Variants in WWOX observed in about 807,000 individuals in gnomAD.
WWOX encodes the protein WW domain containing oxidoreductase.
Under a neutral mutation model 46.2 loss-of-function variants are expected in WWOX, and 69 were observed. The ratio of observed to expected loss-of-function variants is 1.49; its 90% CI spans 1.23 to 1.82. The LOEUF is 1.82. WWOX is among the 40% of genes most tolerant of loss of function. The pLI is 0.00. For synonymous variants in WWOX, 359 were observed against 202.6 expected (o/e 1.77, Z -6.56); for missense variants, 919 against 542.6 (o/e 1.69, Z -6.89).
At chr16:79,018,515 A>G (rs2047463013) in intron 8 of WWOX, among the ~76,000 whole-genome samples, 1 of 152,204 alleles carries the variant, frequency 6.6e-6, no homozygotes, top group African/African-American at 2.4e-5. Context: ...AAGGGATTTG[A>G]CAATGGTCTG....
rs571575035 is a variant in WWOX at position 78,842,734 on chromosome 16, C to T, written c.1057-368874C>T. On this transcript the variant is annotated intron_variant, in intron 8 of 8. Coordinates refer to ENST00000566780, the MANE Select transcript of WWOX (RefSeq NM_016373.4). Reference sequence around the variant, plus strand: ...AAAAAAATCAACTCACACCTGTAGCCGCAGCTACTCAGGAGGCTGAGGCAG... The same window carrying T: ...AAAAAAATCAACTCACACCTGTAGCTGCAGCTACTCAGGAGGCTGAGGCAG... Among the ~76,000 whole-genome samples the T allele has an allele frequency of 8.1e-4, 123 of 152,116 alleles. 1 individual carries two copies. Among genetic ancestry groups the T allele is most frequent in the African/African-American group, 2.2e-3 (90 of 41,504 alleles).
intron 8 of WWOX, among the ~76,000 whole-genome samples, chr16:78,846,466 C>T (rs1236108521): frequency 6.6e-6 from 1 of 151,874 alleles, no homozygotes; most frequent in Admixed American, 6.6e-5. Flanking sequence ...TTGAAGAGTT[C>T]CGGTCAGTTA....
chr16:79,037,307 G>C (rs1567505684), intron 8 of WWOX, among the ~76,000 whole-genome samples: 1 of 152,170 alleles, frequency 6.6e-6, no homozygotes, highest in African/African-American at 2.4e-5. Context: ...GCTGGGGCAT[G>C]GGTGAAACCA....
intron 6 of WWOX, among the ~76,000 whole-genome samples, chr16:78,411,894 G>T (rs8044154): frequency 6.6e-6 from 1 of 152,080 alleles, no homozygotes; most frequent in Non-Finnish European, 1.5e-5. Flanking sequence ...AGAGGAGAGC[G>T]GAGAGGGAAG....
chr16:79,169,904 A>T (rs1373076840), intron 8 of WWOX, among the ~76,000 whole-genome samples: 1 of 152,180 alleles, frequency 6.6e-6, no homozygotes, highest in Non-Finnish European at 1.5e-5. Context: ...TCAAGATGGA[A>T]AAAAACAACC....
At chr16:79,172,654 T>C (rs972573369) in intron 8 of WWOX, among the ~76,000 whole-genome samples, 5 of 152,212 alleles carry the variant, frequency 3.3e-5, no homozygotes, top group Middle Eastern at 3.4e-3. Flanking sequence ...AGACAAACTG[T>C]GAGGTGTTTT....
chr16:78,610,324 G>C (rs1438121697), intron 8 of WWOX, among the ~76,000 whole-genome samples: 1 of 152,014 alleles, frequency 6.6e-6, no homozygotes, highest in African/African-American at 2.4e-5. Flanking sequence ...ATCCATAGAG[G>C]GGGAAAAAAA....
intron 8 of WWOX, among the ~76,000 whole-genome samples, chr16:78,461,001 A>C (rs1032413650): frequency 1.3e-5 from 2 of 152,192 alleles, no homozygotes; most frequent in African/African-American, 4.8e-5. Flanking sequence ...ATGCTACTGC[A>C]CAAGTTTCAT....
chr16:78,696,432 T>C (rs2048100988), intron 8 of WWOX, among the ~76,000 whole-genome samples: 1 of 152,130 alleles, frequency 6.6e-6, no homozygotes, highest in South Asian at 2.1e-4. Context: ...GAGAAAACCA[T>C]ACACATCCAG....
At chr16:78,855,091 C>A (rs2052536570) in intron 8 of WWOX, among the ~76,000 whole-genome samples, 1 of 152,022 alleles carries the variant, frequency 6.6e-6, no homozygotes, top group African/African-American at 2.4e-5. Flanking sequence ...GGGACCACCC[C>A]CCAATTATTA....
intron 8 of WWOX, among the ~76,000 whole-genome samples, chr16:78,855,252 A>G (rs937957379): frequency 6.6e-6 from 1 of 152,190 alleles, no homozygotes; most frequent in Admixed American, 6.5e-5. Flanking sequence ...TAAAAACCAA[A>G]GTACTAAATA....
chr16:78,422,846 C>CACACAG (rs1567563730), intron 6 of WWOX, among the ~76,000 whole-genome samples: 3 of 13,368 alleles, frequency 2.2e-4, no homozygotes, highest in African/African-American at 4.6e-4. Context: ...TATACATATA[C>CACACAG]ACACACACAC....
At chr16:78,307,050 C>A (rs7201891) in intron 5 of WWOX, among the ~76,000 whole-genome samples, 7,165 of 152,224 alleles carry the variant, frequency 0.047, 356 homozygotes, top group African/African-American at 0.12. Context: ...GTTAGCAACC[C>A]ATTAATAACT....
intron 5 of WWOX, among the ~76,000 whole-genome samples, chr16:78,375,912 C>T (rs12599251): frequency 0.054 from 7,929 of 147,278 alleles, 283 homozygotes; most frequent in East Asian, 0.12. Flanking sequence ...AGTGCAGTGG[C>T]ATGATGTTGG....
At chr16:78,819,965 CTT>C (rs1567582740) in intron 8 of WWOX, among the ~76,000 whole-genome samples, 1 of 152,130 alleles carries the variant, frequency 6.6e-6, no homozygotes, top group East Asian at 1.9e-4. Context: ...AATTTATACT[CTT>C]AGTTTGATAT....
At chr16:78,632,505 C>T (rs1289064816) in intron 8 of WWOX, among the ~76,000 whole-genome samples, 1 of 150,402 alleles carries the variant, frequency 6.6e-6, no homozygotes, top group Non-Finnish European at 1.5e-5. Context: ...GATAGAACCC[C>T]TTAGTGTCCT....
intron 5 of WWOX, among the ~76,000 whole-genome samples, chr16:78,182,488 T>C (rs2035561125): frequency 6.6e-6 from 1 of 151,958 alleles, no homozygotes; most frequent in African/African-American, 2.4e-5. Flanking sequence ...CACATCTGCC[T>C]CTGTATCCTG....
intron 8 of WWOX, among the ~76,000 whole-genome samples, chr16:78,756,031 A>G (rs1349601497): frequency 6.6e-6 from 1 of 152,160 alleles, no homozygotes; most frequent in Non-Finnish European, 1.5e-5. Context: ...GGCCTCATGT[A>G]TGAACTCTGA....
intron 8 of WWOX, among the ~76,000 whole-genome samples, chr16:79,103,954 C>G (rs1011480538): frequency 7.0e-6 from 1 of 142,198 alleles, no homozygotes; most frequent in Non-Finnish European, 1.5e-5. Flanking sequence ...AGAGAGAAGT[C>G]TAGGAATGGG....
Sources: gnomAD v4.1 joint callset for allele counts (sites outside exome capture counted in the v4.1 genomes callset) on GRCh38, gnomAD v4.1.1 for gene constraint, MANE v1.5 for transcripts, NCBI Gene and HGNC (gene_info 2026-07-23, HGNC 2026-07-21) for gene names.